The following DYM variants were observed in gnomAD, a reference collection of about 807,000 sequenced individuals.
The protein encoded by DYM is dyggve-Melchior-Clausen syndrome protein.
Under a neutral mutation model 93.1 loss-of-function variants are expected in DYM, and 78 were observed. The observed-to-expected ratio is 0.84, with a 90% CI of 0.70 to 1.01. The LOEUF is 1.01. Ranked by LOEUF, DYM falls within the 50% of genes least tolerant of loss-of-function variation. The probability of loss-of-function intolerance (pLI) is 0.00; values close to 1 mark genes in which losing one functional copy is unlikely to be tolerated. For synonymous variants in DYM, 321 were observed against 319.7 expected (o/e 1.00, Z -0.04); for missense variants, 789 against 845.0 (o/e 0.93, Z 0.82).
intron 14 of DYM, among the ~76,000 whole-genome samples, chr18:49,167,433 G>A (rs1399395296): frequency 1.3e-5 from 2 of 152,092 alleles, no homozygotes; most frequent in Non-Finnish European, 2.9e-5. Flanking sequence ...GCTCTCCATC[G>A]AAGAGAAACA....
intron 15 of DYM, among the ~76,000 whole-genome samples, chr18:49,128,640 G>A (rs1302834498): frequency 6.6e-6 from 1 of 152,028 alleles, no homozygotes; most frequent in Non-Finnish European, 1.5e-5. Context: ...CCCCTTCCTA[G>A]TCTCAAGTCT....
intron 2 of DYM, among the ~76,000 whole-genome samples, chr18:49,407,164 CTAAT>C (rs2071594717): frequency 6.6e-6 from 1 of 152,060 alleles, no homozygotes; most frequent in South Asian, 2.1e-4. Context: ...AAATAGAAAA[CTAAT>C]TAGTGGCTGC....
At position 49,145,613 on chromosome 18, in the gene DYM, T is replaced by C. The variant is rs577512749; in HGVS notation, c.1728+18072A>G. Among the ~76,000 whole-genome samples, 6 of 152,290 alleles carry C rather than the reference T, an allele frequency of 3.9e-5. No homozygotes were observed. The East Asian group carries it at 1.2e-3, about 29-fold the overall frequency. On this transcript the variant is annotated intron_variant, in intron 15 of 17. Transcript: ENST00000675505. ...TATTTGTTTCCAAAATATAAACAGA[T>C]ACAAATGAGTATCAACCTGTCCCGA...
intron 5 of DYM, among the ~76,000 whole-genome samples, chr18:49,370,293 AAAAAAAC>A (rs1226903964): frequency 3.4e-5 from 5 of 146,224 alleles, no homozygotes; most frequent in African/African-American, 1.2e-4. Flanking sequence ...AAAAAAAAAA[AAAAAAAC>A]AAAACAGGAC....
intron 2 of DYM, among the ~76,000 whole-genome samples, chr18:49,411,159 T>C (rs1460023802): frequency 1.3e-5 from 2 of 152,192 alleles, no homozygotes; most frequent in Non-Finnish European, 2.9e-5. Flanking sequence ...ACTTCCAGAT[T>C]AATACTCTTT....
intron 17 of DYM, chr18:49,048,338 G>A (rs1260318725): frequency 6.6e-6 from 1 of 152,224 alleles, no homozygotes; most frequent in Non-Finnish European, 1.5e-5. Flanking sequence ...GGAGAAGAGA[G>A]GGGCTAGGTG....
At chr18:49,072,789 A>G (rs1427578150) in intron 17 of DYM, among the ~76,000 whole-genome samples, 1 of 152,250 alleles carries the variant, frequency 6.6e-6, no homozygotes, top group Non-Finnish European at 1.5e-5. Flanking sequence ...GAGAGCTGCC[A>G]GACTCCATTT....
chr18:49,052,990 C>T (rs1422623073), intron 17 of DYM, among the ~76,000 whole-genome samples: 1 of 152,226 alleles, frequency 6.6e-6, no homozygotes, highest in Non-Finnish European at 1.5e-5. Context: ...TGTGACACAG[C>T]TCAACAAAGA....
At chr18:49,154,186 TA>T (rs2086129510) in intron 15 of DYM, among the ~76,000 whole-genome samples, 1 of 152,030 alleles carries the variant, frequency 6.6e-6, no homozygotes, top group Non-Finnish European at 1.5e-5. Context: ...AAGAAAGACT[TA>T]GGAGACATGA....
At chr18:49,101,320 C>T (rs527958784) in intron 16 of DYM, among the ~76,000 whole-genome samples, 4 of 152,322 alleles carry the variant, frequency 2.6e-5, no homozygotes, top group South Asian at 4.1e-4. Context: ...TTTTACAACC[C>T]TCCTCTACCT....
At chr18:49,081,535 G>C (rs1242278146) in intron 17 of DYM, among the ~76,000 whole-genome samples, 2 of 36,710 alleles carry the variant, frequency 5.4e-5, no homozygotes, top group Admixed American at 1.8e-4. Flanking sequence ...AGGGGAGAGG[G>C]GAGAGGGGAG....
chr18:49,403,115 A>ATATT (rs146952575), intron 2 of DYM, among the ~76,000 whole-genome samples: 1,793 of 152,216 alleles, frequency 0.012, 34 homozygotes, highest in African/African-American at 0.04. Context: ...GAACTGTCAA[A>ATATT]TATTTATTTA....
At chr18:49,341,524 A>C (rs76022236) in intron 6 of DYM, among the ~76,000 whole-genome samples, 85 of 150,690 alleles carry the variant, frequency 5.6e-4, no homozygotes, top group African/African-American at 2.0e-3. Context: ...AAAATGATAA[A>C]ATGATAAAAT....
intron 15 of DYM, among the ~76,000 whole-genome samples, chr18:49,158,134 C>T (rs1210648087): frequency 6.6e-6 from 1 of 152,182 alleles, no homozygotes; most frequent in Non-Finnish European, 1.5e-5. Context: ...AATTTCAACT[C>T]CTTTCAATGA....
intron 13 of DYM, among the ~76,000 whole-genome samples, chr18:49,245,165 T>A (rs369568838): frequency 6.6e-6 from 1 of 152,238 alleles, no homozygotes; most frequent in South Asian, 2.1e-4. Context: ...CTTAATCCTG[T>A]CATCTTCGTA....
chr18:49,137,521 T>G (rs1345327019), intron 15 of DYM, among the ~76,000 whole-genome samples: 1 of 152,190 alleles, frequency 6.6e-6, no homozygotes, highest in Non-Finnish European at 1.5e-5. Flanking sequence ...ATCAACCATG[T>G]TGATTAAGAC....
At chr18:49,429,657 A>G (rs1001236665) in intron 2 of DYM, among the ~76,000 whole-genome samples, 3 of 152,240 alleles carry the variant, frequency 2.0e-5, no homozygotes, top group Non-Finnish European at 2.9e-5. Context: ...TGGCATAGCT[A>G]CCAAATTGCA....
At chr18:49,425,291 G>T (rs1388304100) in intron 2 of DYM, among the ~76,000 whole-genome samples, 1 of 152,126 alleles carries the variant, frequency 6.6e-6, no homozygotes, top group Non-Finnish European at 1.5e-5. Flanking sequence ...CAAGCAATGG[G>T]GAAAGGATTC....
intron 17 of DYM, among the ~76,000 whole-genome samples, chr18:49,086,806 A>G (rs2078578166): frequency 6.6e-6 from 1 of 151,856 alleles, no homozygotes; most frequent in African/African-American, 2.4e-5. Context: ...TGGCCAACAT[A>G]GGAAAACCCC....
Sources: gnomAD v4.1 joint callset for allele counts (sites outside exome capture counted in the v4.1 genomes callset) on GRCh38, gnomAD v4.1.1 for gene constraint, MANE v1.5 for transcripts, NCBI Gene and HGNC (gene_info 2026-07-23, HGNC 2026-07-21) for gene names.